CADM2: variants seen among roughly 807,000 people sequenced by gnomAD.
CADM2 encodes the protein cell adhesion molecule 2.
CADM2 carries 12 observed loss-of-function variants against 49.8 expected under a neutral mutation model. The ratio of observed to expected loss-of-function variants is 0.24; its 90% CI spans 0.15 to 0.39. The LOEUF is 0.39. CADM2 is among the 10% of genes least tolerant of loss of function. The probability of loss-of-function intolerance (pLI) is 1.00; values close to 1 mark genes in which losing one functional copy is unlikely to be tolerated. For missense variants in CADM2, 378 were observed against 492.3 expected (o/e 0.77, Z 2.20); for synonymous variants, 214 against 175.4 (o/e 1.22, Z -1.74).
At chr3:85,226,663 C>T (rs912704893) in intron 1 of CADM2, among the ~76,000 whole-genome samples, 3 of 151,796 alleles carry the variant, frequency 2.0e-5, no homozygotes, top group Non-Finnish European at 4.4e-5. Flanking sequence ...TTCTTGCCTT[C>T]TGCTAGCTTT....
intron 1 of CADM2, among the ~76,000 whole-genome samples, chr3:85,667,829 A>G (rs552567327): frequency 1.3e-5 from 2 of 152,206 alleles, no homozygotes; most frequent in African/African-American, 2.4e-5. Context: ...TTCCGCATCC[A>G]TACGATGGAA....
chr3:85,702,723 G>T (rs776598365), intron 1 of CADM2, among the ~76,000 whole-genome samples: 1 of 151,884 alleles, frequency 6.6e-6, no homozygotes, highest in Non-Finnish European at 1.5e-5. Context: ...GAAATCTCCC[G>T]AAGAGGAAAA....
chr3:85,133,093 C>T (rs895861819), intron 1 of CADM2, among the ~76,000 whole-genome samples: 9 of 152,132 alleles, frequency 5.9e-5, no homozygotes, highest in African/African-American at 2.2e-4. Context: ...AGGTGGGCTC[C>T]TGGTCTCGCT....
chr3:85,341,106 C>A (rs2045228484), intron 1 of CADM2, among the ~76,000 whole-genome samples: 1 of 151,464 alleles, frequency 6.6e-6, no homozygotes, highest in African/African-American at 2.4e-5. Flanking sequence ...TTTTTTCTCT[C>A]TTGTCCTTTT....
At chr3:85,020,764 A>G (rs367990661) in intron 1 of CADM2, among the ~76,000 whole-genome samples, 1 of 144,640 alleles carries the variant, frequency 6.9e-6, no homozygotes, top group Non-Finnish European at 1.5e-5. Flanking sequence ...GTGTGTGTGT[A>G]TGGTGTGTGT....
rs189790809 is a variant in CADM2 at position 85,476,945 on chromosome 3, A to G, written c.62-249577A>G. On this transcript the variant is annotated intron_variant, in intron 1 of 9. Transcript: ENST00000383699. ...ACACACACAGATCTATTTTCTGGGC[A>G]GTCACAGTGGTCTGACATACAATCA... Among the ~76,000 whole-genome samples the G allele has an allele frequency of 3.1e-3, 431 of 138,868 alleles. 2 individuals carry two copies. Among genetic ancestry groups the G allele is most frequent in the African/African-American group, 0.01 (410 of 39,090 alleles). 91.1% of individuals were successfully genotyped at this position (138,868 alleles called of 152,430 possible). A position where few individuals can be genotyped will look rare whatever the true frequency, so the allele number is the denominator to read the frequency against.
intron 1 of CADM2, among the ~76,000 whole-genome samples, chr3:85,693,566 CAAAAAAA>C (rs562723713): frequency 6.6e-5 from 5 of 76,124 alleles, no homozygotes; most frequent in Admixed American, 1.6e-4. Context: ...GGCGAAAGAG[CAAAAAAA>C]AAAAAAAAAA....
chr3:85,082,828 G>C (rs570479703), intron 1 of CADM2, among the ~76,000 whole-genome samples: 70 of 152,214 alleles, frequency 4.6e-4, no homozygotes, highest in African/African-American at 1.4e-3. Context: ...GAATTGTGTA[G>C]CAATGTTGGC....
chr3:85,288,200 C>G (rs923758094), intron 1 of CADM2, among the ~76,000 whole-genome samples: 1 of 151,912 alleles, frequency 6.6e-6, no homozygotes, highest in African/African-American at 2.4e-5. Flanking sequence ...CTCTAAAATG[C>G]GTTTAATATT....
intron 4 of CADM2, among the ~76,000 whole-genome samples, chr3:85,884,891 AT>A (rs11309096): frequency 0.51 from 69,693 of 136,454 alleles, 18,497 homozygotes; most frequent in African/African-American, 0.72. Flanking sequence ...CGCCTGGCTA[AT>A]TTTTTTTTTT....
At chr3:85,921,687 A>T (rs1218781896) in intron 6 of CADM2, among the ~76,000 whole-genome samples, 1 of 152,082 alleles carries the variant, frequency 6.6e-6, no homozygotes, top group Non-Finnish European at 1.5e-5. Context: ...CCTTTACATT[A>T]GGGTTCACTC....
Position 85,493,968 on chromosome 3 carries a change from C to A in CADM2, c.62-232554C>A, listed in dbSNP as rs139047024. The stretch of plus-strand genomic sequence containing the variant: ...TGGAGAAATAAATCCTCAAATGTGA[C>A]AGCACAACAGCAAGACTGAAATGTT... On this transcript the variant is annotated intron_variant, in intron 1 of 9. Coordinates refer to ENST00000383699, the MANE Select transcript of CADM2 (RefSeq NM_001167675.2). 4.4e-3 allele frequency among the ~76,000 whole-genome samples: 677 copies of A among 152,228 alleles called. 5 individuals carry two copies. Among genetic ancestry groups the A allele is most frequent in the African/African-American group, 0.015 (611 of 41,552 alleles).
At chr3:85,338,048 A>G (rs2045138034) in intron 1 of CADM2, among the ~76,000 whole-genome samples, 1 of 151,692 alleles carries the variant, frequency 6.6e-6, no homozygotes, top group Non-Finnish European at 1.5e-5. Flanking sequence ...CCTATGCCAA[A>G]TATCTGGAAA....
chr3:86,065,088 G>A (rs771140760), intron 8 of CADM2, among the ~76,000 whole-genome samples: 21 of 152,168 alleles, frequency 1.4e-4, no homozygotes, highest in Non-Finnish European at 2.8e-4. Context: ...AAATATGGAA[G>A]TTTCCAGTGG....
At chr3:85,842,676 GA>G (rs2108267216) in intron 3 of CADM2, among the ~76,000 whole-genome samples, 1 of 152,178 alleles carries the variant, frequency 6.6e-6, no homozygotes, top group African/African-American at 2.4e-5. Flanking sequence ...TCTCATCTAG[GA>G]TTGAGGATAA....
At chr3:85,508,695 G>T (rs577379081) in intron 1 of CADM2, among the ~76,000 whole-genome samples, 1 of 152,124 alleles carries the variant, frequency 6.6e-6, no homozygotes, top group Non-Finnish European at 1.5e-5. Flanking sequence ...CTTTGGTCTT[G>T]TTTTAAGTTT....
At chr3:85,213,045 G>A (rs773719194) in intron 1 of CADM2, among the ~76,000 whole-genome samples, 9 of 151,594 alleles carry the variant, frequency 5.9e-5, no homozygotes, top group Non-Finnish European at 1.2e-4. Context: ...ACCACACCTT[G>A]CTATTTTTTG....
intron 1 of CADM2, among the ~76,000 whole-genome samples, chr3:84,990,959 A>G (rs1266081438): frequency 6.6e-6 from 1 of 152,070 alleles, no homozygotes; most frequent in Admixed American, 6.6e-5. Flanking sequence ...GACCTGTATA[A>G]TGGGTTACAA....
intron 1 of CADM2, among the ~76,000 whole-genome samples, chr3:85,604,243 A>G (rs2063491391): frequency 6.6e-6 from 1 of 151,916 alleles, no homozygotes; most frequent in East Asian, 1.9e-4. Context: ...GTAAATGAAA[A>G]TATTTACACT....
Sources: allele counts gnomAD v4.1 joint callset (sites outside exome capture counted in the v4.1 genomes callset), GRCh38; gene constraint gnomAD v4.1.1; transcripts MANE v1.5; gene names NCBI Gene and HGNC (gene_info 2026-07-23, HGNC 2026-07-21).